The following RIMKLB variants were observed in gnomAD, a reference collection of about 807,000 sequenced individuals.
The protein encoded by RIMKLB is ribosomal modification protein rimK like family member B.
Under a neutral mutation model 32.0 loss-of-function variants are expected in RIMKLB, and 7 were observed. The ratio of observed to expected loss-of-function variants is 0.22; its 90% CI spans 0.12 to 0.41. RIMKLB has a LOEUF of 0.41. Ranked by LOEUF, RIMKLB falls within the 10% of genes least tolerant of loss-of-function variation. The probability of loss-of-function intolerance (pLI) is 1.00; values close to 1 mark genes in which losing one functional copy is unlikely to be tolerated. For missense variants in RIMKLB, 289 were observed against 498.7 expected, an observed-to-expected ratio of 0.58 and a Z score of 4.00; for synonymous variants, 172 against 185.1, an observed-to-expected ratio of 0.93 and a Z score of 0.57.
chr12:8,719,468 A>G (rs1393700892), intron 2 of RIMKLB, among the ~76,000 whole-genome samples: 1 of 152,082 alleles, frequency 6.6e-6, no homozygotes, highest in African/African-American at 2.4e-5. Context: ...TCCCAGATTC[A>G]AGCGATTCTC....
intron 2 of RIMKLB, 109 bp downstream of exon 2, chr12:8,714,150 GTA>G: frequency 1.3e-6 from 1 of 797,634 alleles, no homozygotes. Flanking sequence ...TCATTACTAA[GTA>G]TCTTCTAATT....
intron 2 of RIMKLB, among the ~76,000 whole-genome samples, chr12:8,738,332 C>T (rs1216143693): frequency 6.6e-6 from 1 of 152,190 alleles, no homozygotes; most frequent in Admixed American, 6.5e-5. Flanking sequence ...GGATGAACCA[C>T]CACACCGTGC....
At chr12:8,748,956 A>G (rs1398412625) in intron 2 of RIMKLB, among the ~76,000 whole-genome samples, 1 of 152,144 alleles carries the variant, frequency 6.6e-6, no homozygotes, top group East Asian at 1.9e-4. Flanking sequence ...AGCAACTCAT[A>G]TAAATACCTT....
intron 1 of RIMKLB, among the ~76,000 whole-genome samples, chr12:8,711,641 G>A (rs769632302): frequency 1.3e-5 from 2 of 151,996 alleles, no homozygotes; most frequent in Non-Finnish European, 2.9e-5. Flanking sequence ...CTAGCATTAG[G>A]TATATCTCCC....
chr12:8,678,256 TC>T (rs934662832), upstream of RIMKLB, among the ~76,000 whole-genome samples: 2 of 151,980 alleles, frequency 1.3e-5, no homozygotes, highest in Non-Finnish European at 2.9e-5. Flanking sequence ...ACTCAAGTGA[TC>T]CTCGCACGTT....
chr12:8,743,795 T>C (rs899022903), intron 2 of RIMKLB, among the ~76,000 whole-genome samples: 1 of 151,960 alleles, frequency 6.6e-6, no homozygotes, highest in Non-Finnish European at 1.5e-5. Flanking sequence ...GGTTAACTTA[T>C]TAACCTTATT....
exon 1 of RIMKLB, chr12:8,681,665 G>C (rs1393621295): frequency 6.6e-6 from 1 of 152,226 alleles, no homozygotes; most frequent in Non-Finnish European, 1.5e-5. Context: ...CTCATGAACA[G>C]TGGGTCTTGA....
At chr12:8,709,363 A>G (rs1944172067) in intron 1 of RIMKLB, among the ~76,000 whole-genome samples, 2 of 151,938 alleles carry the variant, frequency 1.3e-5, no homozygotes, top group Admixed American at 1.3e-4. Flanking sequence ...TTTTTTCTTT[A>G]TGTTAGCAGA....
At chr12:8,741,223 A>G (rs1397606427) in intron 2 of RIMKLB, among the ~76,000 whole-genome samples, 3 of 150,058 alleles carry the variant, frequency 2.0e-5, no homozygotes, top group Non-Finnish European at 4.4e-5. Context: ...TTTTTAAATA[A>G]AAAAATTAGC....
At chr12:8,749,797 ACTATTCCT>A (rs1948467159) in intron 2 of RIMKLB, 57 bp from the exon 3 acceptor site, 1 of 1,034,486 alleles carries the variant, frequency 9.7e-7, no homozygotes, top group South Asian at 1.5e-5. Flanking sequence ...TTGGCGTATT[ACTATTCCT>A]CTATTTTGTT....
At chr12:8,749,074 TCTCA>T (rs2137705267) in intron 2 of RIMKLB, among the ~76,000 whole-genome samples, 1 of 152,350 alleles carries the variant, frequency 6.6e-6, no homozygotes. Flanking sequence ...AGGCATATGT[TCTCA>T]CTTTTTAAAA....
Position 8,776,502 on chromosome 12 carries a change from A to G in RIMKLB, c.*2718A>G. 2.8e-6 allele frequency: 2 copies of G among 718,028 alleles called. No individual in the cohort carries two copies. Among genetic ancestry groups the G allele is most frequent in the Non-Finnish European group, 1.7e-6 (1 of 586,246 alleles). 44.5% of individuals were successfully genotyped at this position (718,028 alleles called of 1,614,324 possible). On this transcript the variant is annotated 3_prime_UTR_variant, in exon 6 of 6. Coordinates refer to ENST00000535829, the MANE Select transcript of RIMKLB (RefSeq NM_001297776.2). ...GAGAATGTATATATCAAATATGTGT[A>G]ATGATAAAATCTGAATTGTAAAATT... is the stretch of plus-strand genomic sequence containing the variant.
At chr12:8,746,459 G>A (rs950886303) in intron 2 of RIMKLB, among the ~76,000 whole-genome samples, 8 of 151,520 alleles carry the variant, frequency 5.3e-5, no homozygotes, top group Admixed American at 3.3e-4. Flanking sequence ...GTAGCCGGGC[G>A]CGGTGGTGCA....
chr12:8,732,535 CTTCTT>C (rs1205242042), intron 2 of RIMKLB, among the ~76,000 whole-genome samples: 1 of 152,086 alleles, frequency 6.6e-6, no homozygotes. Flanking sequence ...GGTGTTACCT[CTTCTT>C]TAATAAGGAA....
chr12:8,733,892 G>C (rs925635383), intron 2 of RIMKLB, among the ~76,000 whole-genome samples: 1 of 152,002 alleles, frequency 6.6e-6, no homozygotes, highest in Non-Finnish European at 1.5e-5. Flanking sequence ...ATAGATGATA[G>C]GTGATTGTTA....
intron 1 of RIMKLB, among the ~76,000 whole-genome samples, chr12:8,707,729 T>C (rs1944023433): frequency 6.6e-6 from 1 of 152,198 alleles, no homozygotes; most frequent in South Asian, 2.1e-4. Flanking sequence ...ATTATTAGCA[T>C]ACAGAAAGAC....
At chr12:8,772,433 A>G (rs1034292303) in intron 5 of RIMKLB, among the ~76,000 whole-genome samples, 2 of 152,328 alleles carry the variant, frequency 1.3e-5, no homozygotes, top group East Asian at 3.9e-4. Context: ...TTTTTACATC[A>G]GGGCTCACTC....
At chr12:8,777,617 C>A, downstream of RIMKLB, 2 of 1,288,524 alleles carry the variant, frequency 1.6e-6, no homozygotes, top group Non-Finnish European at 2.0e-6. Flanking sequence ...AAAACAAATA[C>A]AAACAAACAA....
chr12:8,707,055 A>G (rs1192639600), intron 1 of RIMKLB, among the ~76,000 whole-genome samples: 1 of 152,146 alleles, frequency 6.6e-6, no homozygotes, highest in Non-Finnish European at 1.5e-5. Context: ...GCGTGGAAAA[A>G]CAACATTCAA....
Sources: gnomAD v4.1 joint callset for allele counts (sites outside exome capture counted in the v4.1 genomes callset) on GRCh38, gnomAD v4.1.1 for gene constraint, MANE v1.5 for transcripts, NCBI Gene and HGNC (gene_info 2026-07-23, HGNC 2026-07-21) for gene names.